Variants in CAMTA1 observed in about 807,000 individuals in gnomAD.
CAMTA1 encodes calmodulin-binding transcription activator 1.
A neutral mutation model predicts 170.9 loss-of-function variants in CAMTA1; 27 were observed. The ratio of observed to expected loss-of-function variants is 0.16; its 90% CI spans 0.12 to 0.22. The LOEUF is 0.22. CAMTA1 is among the 10% of genes least tolerant of loss of function. CAMTA1 has a pLI of 1.00. For missense variants in CAMTA1, 1,619 were observed against 2,217.2 expected (o/e 0.73, Z 5.42); for synonymous variants, 833 against 891.5 (o/e 0.93, Z 1.17).
At position 7,663,549 on chromosome 1, in the gene CAMTA1, G is replaced by A; in HGVS notation, c.1002G>A (p.Val334=). Residue 334 remains valine (V), a synonymous_variant, in exon 9 of 23, where the codon GTG becomes GTA. Coordinates refer to ENST00000303635, the MANE Select transcript of CAMTA1 (RefSeq NM_015215.4). ...EKRNGKVAKP[V]LLHQSSTEVS... ...GGAACGGCAAGGTGGCCAAGCCCGT[G>A]CTCCTGCACCAGAGCAGCACCGAGG... The A allele has an allele frequency of 6.2e-7, 1 of 1,607,448 alleles. No individual in the cohort carries two copies. Among genetic ancestry groups the A allele is most frequent in the Non-Finnish European group, 8.5e-7 (1 of 1,174,548 alleles).
intron 4 of CAMTA1, among the ~76,000 whole-genome samples, chr1:7,193,370 AT>A (rs1221790302): frequency 1.3e-5 from 2 of 151,062 alleles, no homozygotes; most frequent in East Asian, 3.9e-4. Flanking sequence ...AAAAAAAGTC[AT>A]TTGCTCTGTA....
chr1:7,015,887 G>A (rs1054695392), intron 3 of CAMTA1, among the ~76,000 whole-genome samples: 5 of 152,194 alleles, frequency 3.3e-5, no homozygotes, highest in African/African-American at 4.8e-5. Flanking sequence ...GGCATGTCCT[G>A]CATGGCTGGA....
chr1:6,923,760 A>G (rs758390008), intron 3 of CAMTA1, among the ~76,000 whole-genome samples: 1 of 152,128 alleles, frequency 6.6e-6, no homozygotes, highest in Non-Finnish European at 1.5e-5. Context: ...CACCTGTCCT[A>G]TGTCAGGCAC....
At chr1:7,699,286 A>G (rs1283439040) in intron 11 of CAMTA1, among the ~76,000 whole-genome samples, 11 of 151,630 alleles carry the variant, frequency 7.3e-5, no homozygotes, top group Admixed American at 7.2e-4. Flanking sequence ...ATTCCTCCTC[A>G]GCTCCCCCCC....
intron 11 of CAMTA1, among the ~76,000 whole-genome samples, chr1:7,722,888 A>C (rs144512346): frequency 4.5e-4 from 68 of 152,200 alleles, no homozygotes; most frequent in African/African-American, 1.6e-3. Flanking sequence ...GGAGTTCAGG[A>C]CCAGTCTGGG....
intron 6 of CAMTA1, among the ~76,000 whole-genome samples, chr1:7,548,183 A>G (rs2094726260): frequency 6.6e-6 from 1 of 152,218 alleles, no homozygotes; most frequent in African/African-American, 2.4e-5. Context: ...CATGCCCTGT[A>G]TGGGTACTGA....
intron 4 of CAMTA1, among the ~76,000 whole-genome samples, chr1:7,154,013 G>A (rs747788874): frequency 2.0e-5 from 3 of 152,210 alleles, no homozygotes; most frequent in Non-Finnish European, 2.9e-5. Flanking sequence ...GGTGTCCTGT[G>A]TGTACCTGGG....
chr1:7,555,509 C>G (rs1348173179), intron 6 of CAMTA1, among the ~76,000 whole-genome samples: 2 of 152,140 alleles, frequency 1.3e-5, no homozygotes, highest in African/African-American at 2.4e-5. Flanking sequence ...CAAAGCCACT[C>G]TCTCATCATT....
At chr1:7,078,889 G>A (rs1294448859) in intron 3 of CAMTA1, among the ~76,000 whole-genome samples, 2 of 152,184 alleles carry the variant, frequency 1.3e-5, no homozygotes, top group Non-Finnish European at 2.9e-5. Context: ...GTTTGGAGAG[G>A]TTGATACATC....
chr1:7,704,816 G>C (rs1047281215), intron 11 of CAMTA1, among the ~76,000 whole-genome samples: 2 of 147,624 alleles, frequency 1.4e-5, no homozygotes, highest in African/African-American at 4.9e-5. Flanking sequence ...GGCCGGGCGG[G>C]GCCGGGCGGG....
At chr1:6,931,588 G>A (rs892302765) in intron 3 of CAMTA1, among the ~76,000 whole-genome samples, 2 of 152,124 alleles carry the variant, frequency 1.3e-5, no homozygotes, top group African/African-American at 4.8e-5. Flanking sequence ...TCTGCCCAAC[G>A]AACTAACGAC....
intron 4 of CAMTA1, among the ~76,000 whole-genome samples, chr1:7,098,742 G>C (rs1166636968): frequency 6.6e-6 from 1 of 152,174 alleles, no homozygotes; most frequent in Non-Finnish European, 1.5e-5. Context: ...GGCCGTGGCG[G>C]GGGCACTGAT....
chr1:7,203,488 A>AAATTTTG, intron 4 of CAMTA1, among the ~76,000 whole-genome samples: 1 of 89,772 alleles, frequency 1.1e-5, no homozygotes, highest in Non-Finnish European at 2.1e-5. Context: ...CCTTGTGGGT[A>AAATTTTG]GTTTTTTTTT....
At chr1:7,576,304 C>G (rs555685610) in intron 6 of CAMTA1, among the ~76,000 whole-genome samples, 1 of 152,292 alleles carries the variant, frequency 6.6e-6, no homozygotes, top group African/African-American at 2.4e-5. Flanking sequence ...ACCACCGTGC[C>G]AGGCCAATTA....
intron 4 of CAMTA1, among the ~76,000 whole-genome samples, chr1:7,121,526 C>G (rs1483916332): frequency 6.6e-6 from 1 of 152,194 alleles, no homozygotes; most frequent in Non-Finnish European, 1.5e-5. Flanking sequence ...GGGTGAAGTG[C>G]ATGGAGGCAC....
At chr1:7,496,538 C>T (rs764462500) in intron 6 of CAMTA1, among the ~76,000 whole-genome samples, 1 of 152,162 alleles carries the variant, frequency 6.6e-6, no homozygotes, top group Non-Finnish European at 1.5e-5. Context: ...CAGTGTCTGC[C>T]CTGTACCCAG....
intron 5 of CAMTA1, among the ~76,000 whole-genome samples, chr1:7,338,536 A>G (rs1310202457): frequency 1.3e-5 from 2 of 152,220 alleles, no homozygotes; most frequent in Admixed American, 6.5e-5. Context: ...AGCACCTGCC[A>G]TGTCCCTGAT....
chr1:7,192,404 A>G (rs538266413), intron 4 of CAMTA1, among the ~76,000 whole-genome samples: 95 of 152,352 alleles, frequency 6.2e-4, no homozygotes, highest in Non-Finnish European at 1.2e-3. Flanking sequence ...CGGAGGGAAC[A>G]TGTCAGTACT....
intron 3 of CAMTA1, among the ~76,000 whole-genome samples, chr1:6,885,703 GA>G (rs1194388678): frequency 6.6e-6 from 1 of 152,122 alleles, no homozygotes; most frequent in African/African-American, 2.4e-5. Flanking sequence ...TCCTACCTCT[GA>G]ATGTAGATGC....
Sources: allele counts gnomAD v4.1 joint callset (sites outside exome capture counted in the v4.1 genomes callset), GRCh38; gene constraint gnomAD v4.1.1; transcripts MANE v1.5; gene names NCBI Gene and HGNC (gene_info 2026-07-23, HGNC 2026-07-21).